The following EXO1 variants were observed in gnomAD, a reference collection of about 807,000 sequenced individuals.
The protein encoded by EXO1 is exonuclease 1.
Under a neutral mutation model 84.5 loss-of-function variants are expected in EXO1, and 69 were observed. That is an observed-to-expected ratio of 0.82 (90% CI 0.67 to 1.00). EXO1 has a LOEUF of 1.00. Ranked by LOEUF, EXO1 falls within the 50% of genes least tolerant of loss-of-function variation. The pLI is 0.00. For synonymous variants in EXO1, 373 were observed against 366.1 expected (o/e 1.02, Z -0.21); for missense variants, 1,045 against 1,000.7 (o/e 1.04, Z -0.60).
rs149001934 is a variant in EXO1, at chr1:241,866,630, G to A, written c.1042-200G>A. 1.0e-4 allele frequency among the ~76,000 whole-genome samples: 15 copies of A among 148,636 alleles called. No homozygotes were observed. In the East Asian group the frequency reaches 2.4e-3, roughly 23 times the overall value. On this transcript the variant is annotated intron_variant, in intron 10 of 15. Transcript: ENST00000366548. The stretch of plus-strand genomic sequence containing the variant: ...TTGACTCTCATCAGAAGAAAAACAG[G>A]CCTAGGAATATAAGACACATTTAAT...
chr1:241,879,824 G>A (rs1012150955), intron 13 of EXO1, among the ~76,000 whole-genome samples: 1 of 152,056 alleles, frequency 6.6e-6, no homozygotes, highest in Non-Finnish European at 1.5e-5. Flanking sequence ...GGCCAGCATG[G>A]TGAAACCCTG....
At chr1:241,873,325 T>G (rs558949160) in intron 12 of EXO1, among the ~76,000 whole-genome samples, 114 of 152,330 alleles carry the variant, frequency 7.5e-4, no homozygotes, top group African/African-American at 2.6e-3. Context: ...AGAACCTGCC[T>G]TAATCTGATT....
rs985916495 is a variant in EXO1 at position 241,866,873 on chromosome 1, A to G, written c.1085A>G (p.Gln362Arg). The G allele has an allele frequency of 3.7e-6, 6 of 1,614,014 alleles. No homozygotes were observed. The highest frequency in any genetic ancestry group is 5.1e-6 in the Non-Finnish European group (6 of 1,179,986). The stretch of plus-strand genomic sequence containing the variant: ...CATAGTTGGGATGACAAAACATGTC[A>G]AAAGTCAGCTAATGTTAGCAGCATT... Reference protein sequence around the residue: ...RSHSWDDKTCQKSANVSSIWH... With the variant: ...RSHSWDDKTCRKSANVSSIWH... Residue 362 changes from glutamine (Q) to arginine (R), a missense_variant, in exon 11 of 16, where the codon CAA becomes CGA. Physicochemically the swap from Gln to Arg is conservative, Grantham distance 43. Coordinates refer to ENST00000366548, the MANE Select transcript of EXO1 (RefSeq NM_130398.4).
At chr1:241,871,407 G>A (rs1662083508) in intron 11 of EXO1, among the ~76,000 whole-genome samples, 1 of 152,178 alleles carries the variant, frequency 6.6e-6, no homozygotes. Context: ...AAGAACCTTA[G>A]TGCTGTCTCT....
chr1:241,858,647 T>C lies in EXO1; in HGVS notation c.685T>C (p.Ser229Pro). ...CILSGCDYLS[S>P]LRGIGLAKAC... ...TCTTTCAGGTTGTGACTACCTGTCATCACTGCGTGGGATTGGATTAGCAAA... is the reference window on the plus strand; with the variant it reads ...TCTTTCAGGTTGTGACTACCTGTCACCACTGCGTGGGATTGGATTAGCAAA... The change falls in exon 8 of 16, where the codon TCA becomes CCA. Residue 229 changes from serine to proline, a missense_variant. Transcript: ENST00000366548. 1 of 1,614,058 alleles carries C rather than the reference T, an allele frequency of 6.2e-7. No individual in the cohort carries two copies. The highest frequency in any genetic ancestry group is 8.5e-7 in the Non-Finnish European group (1 of 1,179,914).
intron 10 of EXO1, among the ~76,000 whole-genome samples, chr1:241,865,183 A>G (rs1275347257): frequency 6.7e-6 from 1 of 148,630 alleles, no homozygotes; most frequent in Non-Finnish European, 1.5e-5. Flanking sequence ...AGCATTATAT[A>G]TATATATATA....
At chr1:241,857,160 C>T (rs2148412420) in intron 6 of EXO1, among the ~76,000 whole-genome samples, 185 bp from the exon 7 acceptor site, 1 of 152,260 alleles carries the variant, frequency 6.6e-6, no homozygotes, top group South Asian at 2.1e-4. Context: ...GTCTTAATGG[C>T]TATATAATTA....
At chr1:241,876,940 G>A (rs959700270) in intron 12 of EXO1, among the ~76,000 whole-genome samples, 8 of 152,184 alleles carry the variant, frequency 5.3e-5, no homozygotes, top group Non-Finnish European at 1.2e-4. Flanking sequence ...AAAAATGGAT[G>A]ATTATATACA....
At chr1:241,865,168 GC>G (rs1661638009) in intron 10 of EXO1, among the ~76,000 whole-genome samples, 1 of 129,234 alleles carries the variant, frequency 7.7e-6, no homozygotes, top group South Asian at 2.5e-4. Flanking sequence ...ACCACACCTG[GC>G]CACAGCATTA....
Position 241,852,382 on chromosome 1 carries a change from T to C in EXO1, c.252T>C (p.Ser84=), listed in dbSNP as rs1406307306. 6.3e-7 allele frequency: 1 copy of C among 1,595,014 alleles called. No homozygotes were observed. Among genetic ancestry groups the C allele is most frequent in the Non-Finnish European group, 8.6e-7 (1 of 1,163,222 alleles). ...TATTTGATGGATGTACTTTACCTTCTAAAAAGGAAGTAGAGAGATCTAGAA... is the reference window on the plus strand; with the variant it reads ...TATTTGATGGATGTACTTTACCTTCCAAAAAGGAAGTAGAGAGATCTAGAA... ...ILVFDGCTLP[S]KKEVERSRRE... Residue 84 remains serine, a synonymous_variant, in exon 5 of 16, where the codon TCT becomes TCC. Transcript: ENST00000366548.
chr1:241,861,417 A>C lies in EXO1; in HGVS notation c.956A>C (p.Asp319Ala). 6.6e-7 allele frequency: 1 copy of C among 1,509,828 alleles called. No individual in the cohort carries two copies. The highest frequency in any genetic ancestry group is 9.2e-7 in the Non-Finnish European group (1 of 1,084,730). The allele number at this position is 1,509,828 out of a possible 1,614,324, so 93.5% of individuals were successfully genotyped here. The part of the protein sequence containing the change: ...TLSYAGQYVD[D>A]SIALQIALGN... ...TCTTGCTAATCTAGATATGTTGATG[A>C]TTCCATAGCTCTTCAAATAGCACTT... Residue 319 changes from aspartate (D) to alanine (A), a missense_variant, in exon 10 of 16, where the codon GAT becomes GCT. Coordinates refer to ENST00000366548, the MANE Select transcript of EXO1 (RefSeq NM_130398.4).
intron 5 of EXO1, 142 bp downstream of exon 5, chr1:241,852,553 G>C: frequency 1.3e-6 from 1 of 747,166 alleles, no homozygotes. Context: ...GTTGAGGCAA[G>C]AGGATCACTT....
At chr1:241,882,891 A>C (rs896070217) in intron 14 of EXO1, among the ~76,000 whole-genome samples, 12 of 152,238 alleles carry the variant, frequency 7.9e-5, no homozygotes, top group Non-Finnish European at 1.8e-4. Context: ...TTTCTAGAAA[A>C]AAATTTGAAA....
chr1:241,868,374 CAAAAAA>C (rs10591886), intron 11 of EXO1, among the ~76,000 whole-genome samples: 1 of 115,878 alleles, frequency 8.6e-6, no homozygotes, highest in Admixed American at 8.7e-5. Context: ...GAATCCATCT[CAAAAAA>C]AAAAAAAAAA....
intron 12 of EXO1, among the ~76,000 whole-genome samples, chr1:241,872,781 T>A (rs1447858565): frequency 6.6e-6 from 1 of 152,172 alleles, no homozygotes; most frequent in Admixed American, 6.5e-5. Context: ...TGGTTCCAAG[T>A]CTTTGCTATT....
At position 241,889,350 on chromosome 1, in the gene EXO1, C is replaced by T. The variant is rs1222310203; in HGVS notation, c.2406-115C>T. 7.9e-6 allele frequency: 7 copies of T among 882,740 alleles called. No individual in the cohort carries two copies. In the East Asian group the frequency reaches 1.0e-4, roughly 13 times the overall value. 54.7% of individuals were successfully genotyped at this position (882,740 alleles called of 1,614,324 possible). Reference sequence around the variant, plus strand: ...TGTTATATAATGAATTGAAAGAGATCGTACAGTAAAGGGTCTTATCCTCTT... The same window carrying T: ...TGTTATATAATGAATTGAAAGAGATTGTACAGTAAAGGGTCTTATCCTCTT... On this transcript the variant is annotated intron_variant, in intron 15 of 15. Coordinates refer to ENST00000366548, the MANE Select transcript of EXO1 (RefSeq NM_130398.4).
Position 241,857,412 on chromosome 1 carries a change from T to G in EXO1, c.473T>G (p.Leu158Arg). 2.5e-6 allele frequency: 4 copies of G among 1,614,008 alleles called. No individual in the cohort carries two copies. The highest frequency in any genetic ancestry group is 3.4e-6 in the Non-Finnish European group (4 of 1,179,948). The change falls in exon 7 of 16, where the codon CTT (leucine) becomes CGT (arginine). Residue 158 changes from leucine (L) to arginine (R), a missense_variant. Transcript: ENST00000366548. The part of the protein sequence containing the change: ...PYEADAQLAY[L>R]NKAGIVQAII... ...GAAGCTGATGCGCAGTTGGCCTATC[T>G]TAACAAAGCGGGAATTGTGCAAGCC...
chr1:241,861,494 A>G lies in EXO1; in HGVS notation c.1033A>G (p.Thr345Ala). 1 of 1,555,374 alleles carries G rather than the reference A, an allele frequency of 6.4e-7. No homozygotes were observed. Among genetic ancestry groups the G allele is most frequent in the South Asian group, 1.1e-5 (1 of 89,854 alleles). The change falls in exon 10 of 16, where the codon ACT becomes GCT. Residue 345 changes from threonine to alanine, a missense_variant. Thr to Ala is a moderately conservative substitution (Grantham distance 58). Transcript: ENST00000366548. Reference sequence around the variant, plus strand: ...ACAGATCGATGACTACAATCCAGACACTGCTATGGTAACGTTTTGATGACC... The same window carrying G: ...ACAGATCGATGACTACAATCCAGACGCTGCTATGGTAACGTTTTGATGACC... Reference protein sequence around the residue: ...FEQIDDYNPDTAMPAHSRSHS... With the variant: ...FEQIDDYNPDAAMPAHSRSHS...
At chr1:241,883,219 A>T (rs566799150) in intron 14 of EXO1, among the ~76,000 whole-genome samples, 1 of 152,334 alleles carries the variant, frequency 6.6e-6, no homozygotes, top group Non-Finnish European at 1.5e-5. Context: ...TTGAAAGAAG[A>T]TGTAGTCTCA....
Sources: allele counts gnomAD v4.1 joint callset (sites outside exome capture counted in the v4.1 genomes callset), GRCh38; gene constraint gnomAD v4.1.1; transcripts MANE v1.5; gene names NCBI Gene and HGNC (gene_info 2026-07-23, HGNC 2026-07-21).